The following GALNT14 variants were observed in gnomAD, a reference collection of about 807,000 sequenced individuals.
The protein encoded by GALNT14 is UDP-GalNAc:polypeptide N-acetylgalactosaminyltransferase 14.
Under a neutral mutation model 77.5 loss-of-function variants are expected in GALNT14, and 60 were observed. That is an observed-to-expected ratio of 0.77 (90% CI 0.63 to 0.96). The LOEUF is 0.96. GALNT14 is among the 40% of genes least tolerant of loss of function. GALNT14 has a pLI of 0.00. For synonymous variants in GALNT14, 280 were observed against 281.7 expected (o/e 0.99, Z 0.06); for missense variants, 710 against 731.0 (o/e 0.97, Z 0.33).
chr2:31,098,162 C>T (rs1306196297), intron 1 of GALNT14, among the ~76,000 whole-genome samples: 3 of 152,166 alleles, frequency 2.0e-5, no homozygotes, highest in African/African-American at 7.2e-5. Flanking sequence ...ATCCAAACTG[C>T]ATACTCAGCA....
intron 1 of GALNT14, among the ~76,000 whole-genome samples, chr2:31,049,860 C>T (rs1176090349): frequency 6.6e-6 from 1 of 152,140 alleles, no homozygotes; most frequent in Non-Finnish European, 1.5e-5. Flanking sequence ...TTTACAGCAG[C>T]CTTTATGTGC....
At chr2:31,130,734 CTG>C (rs4020220) in intron 1 of GALNT14, among the ~76,000 whole-genome samples, 25,206 of 117,254 alleles carry the variant, frequency 0.21, 2,540 homozygotes, top group Non-Finnish European at 0.23. Flanking sequence ...CAGGGTACCT[CTG>C]TGTGTGTGTG....
At chr2:31,119,220 C>T (rs7586148) in intron 1 of GALNT14, among the ~76,000 whole-genome samples, 84,822 of 151,978 alleles carry the variant, frequency 0.56, 25,058 homozygotes, top group African/African-American at 0.75. Flanking sequence ...ACATATTCGA[C>T]TGTATTTTTC....
rs78669743 is a variant in GALNT14, at chr2:31,132,448, G to T, written c.129+5510C>A. Among the ~76,000 whole-genome samples, 7 of 152,210 alleles carry T rather than the reference G, an allele frequency of 4.6e-5. No individual in the cohort carries two copies. In the East Asian group the frequency reaches 1.4e-3, roughly 29 times the overall value. On this transcript the variant is annotated intron_variant, in intron 1 of 14. Coordinates refer to ENST00000349752, the MANE Select transcript of GALNT14 (RefSeq NM_024572.4). ...GCTGTGTACCACCACCCAGACACCT[G>T]CTCCTGGGAACTGCCTTAGAATGGA...
intron 1 of GALNT14, among the ~76,000 whole-genome samples, chr2:31,075,816 T>C (rs150214625): frequency 3.9e-5 from 6 of 152,340 alleles, no homozygotes; most frequent in Admixed American, 2.6e-4. Context: ...CCTTCCCCCA[T>C]GCTGGGCTTT....
chr2:30,963,189 C>T (rs184511354), intron 3 of GALNT14, among the ~76,000 whole-genome samples: 184 of 152,268 alleles, frequency 1.2e-3, no homozygotes, highest in African/African-American at 4.0e-3. Flanking sequence ...AAGTACAGGG[C>T]TGATGGGCGC....
chr2:31,136,604 G>T (rs532757005), intron 1 of GALNT14, among the ~76,000 whole-genome samples: 5 of 152,264 alleles, frequency 3.3e-5, no homozygotes, highest in Admixed American at 2.6e-4. Flanking sequence ...CACACAATAG[G>T]TGCTAAATAA....
chr2:31,000,478 C>T lies in GALNT14; in HGVS notation c.130-7471G>A, dbSNP rs1424578611. 9.6e-5 allele frequency among the ~76,000 whole-genome samples: 9 copies of T among 93,870 alleles called. No homozygotes were observed. In the Admixed American group the frequency reaches 9.8e-4, roughly 10 times the overall value. 61.6% of individuals were successfully genotyped at this position (93,870 alleles called of 152,430 possible). On this transcript the variant is annotated intron_variant, in intron 1 of 14. Transcript: ENST00000349752. ...GTGTGTGTGTGTGTGTGTGTGTATA[C>T]ACAGAAATTGAGAGGACAGATTGAT...
chr2:30,902,724 C>A, the GALNT14 span, among the ~76,000 whole-genome samples: 1 of 152,188 alleles, frequency 6.6e-6, no homozygotes, highest in African/African-American at 2.4e-5. Flanking sequence ...AAAACGCCCA[C>A]TGAGAGGCTG....
downstream of GALNT14, among the ~76,000 whole-genome samples, chr2:30,905,718 A>G (rs1664124428): frequency 1.3e-5 from 2 of 148,556 alleles, no homozygotes. Context: ...GAACGCCACA[A>G]AGATACTCCT....
intron 6 of GALNT14, among the ~76,000 whole-genome samples, chr2:30,949,433 A>G (rs1234185662): frequency 6.6e-6 from 1 of 152,172 alleles, no homozygotes; most frequent in Non-Finnish European, 1.5e-5. Context: ...ATGCCCCAGC[A>G]GGATGTATCT....
At chr2:31,055,072 A>T (rs1674126084) in intron 1 of GALNT14, among the ~76,000 whole-genome samples, 1 of 152,214 alleles carries the variant, frequency 6.6e-6, no homozygotes, top group African/African-American at 2.4e-5. Context: ...GGAGGATGTG[A>T]CTAGGCCATA....
intron 11 of GALNT14, among the ~76,000 whole-genome samples, chr2:30,926,091 C>T (rs1251582137): frequency 6.6e-6 from 1 of 152,194 alleles, no homozygotes; most frequent in African/African-American, 2.4e-5. Flanking sequence ...TGCACTATAA[C>T]TTCTTCTTAC....
chr2:31,124,288 T>G (rs1304757635), intron 1 of GALNT14, among the ~76,000 whole-genome samples: 1 of 152,194 alleles, frequency 6.6e-6, no homozygotes, highest in Non-Finnish European at 1.5e-5. Context: ...GTTCCACCAA[T>G]TATTCATGGT....
intron 1 of GALNT14, among the ~76,000 whole-genome samples, chr2:31,016,162 G>A (rs543986947): frequency 5.9e-5 from 9 of 152,254 alleles, no homozygotes; most frequent in East Asian, 1.9e-4. Context: ...ATCAACGTGC[G>A]AACAGGGTTA....
chr2:31,115,158 G>C (rs1034321851), intron 1 of GALNT14, among the ~76,000 whole-genome samples: 1 of 151,964 alleles, frequency 6.6e-6, no homozygotes, highest in African/African-American at 2.4e-5. Flanking sequence ...GTTGAGGCAG[G>C]AAAGATCACT....
intron 1 of GALNT14, among the ~76,000 whole-genome samples, chr2:31,038,086 T>TATATATATATATA (rs1558514656): frequency 2.7e-3 from 97 of 35,708 alleles, no homozygotes; most frequent in African/African-American, 5.1e-3. Context: ...ATATATATAT[T>TATATATATATATA]TTTTTTTTTT....
chr2:31,030,317 G>C (rs1185368840), intron 1 of GALNT14, among the ~76,000 whole-genome samples: 1 of 151,952 alleles, frequency 6.6e-6, no homozygotes, highest in African/African-American at 2.4e-5. Flanking sequence ...ACAAGTCCAG[G>C]GCCGAGCACC....
chr2:31,106,154 T>C (rs1220402677), intron 1 of GALNT14, among the ~76,000 whole-genome samples: 7 of 152,174 alleles, frequency 4.6e-5, no homozygotes, highest in Non-Finnish European at 8.8e-5. Context: ...ATAATCTTGG[T>C]ATGAGCTGTT....
Sources: allele counts gnomAD v4.1 joint callset (sites outside exome capture counted in the v4.1 genomes callset), GRCh38; gene constraint gnomAD v4.1.1; transcripts MANE v1.5; gene names NCBI Gene and HGNC (gene_info 2026-07-23, HGNC 2026-07-21).